RASGRF2: variants seen among roughly 807,000 people sequenced by gnomAD.
The protein encoded by RASGRF2 is ras-specific guanine nucleotide-releasing factor 2.
Under a neutral mutation model 151.0 loss-of-function variants are expected in RASGRF2, and 76 were observed. The ratio of observed to expected loss-of-function variants is 0.50; its 90% CI spans 0.42 to 0.61. The LOEUF is 0.61. Among genes scored for constraint, RASGRF2 ranks in the 20% least tolerant of loss-of-function variants. The pLI is 0.00. For synonymous variants in RASGRF2, 504 were observed against 566.5 expected (o/e 0.89, Z 1.57); for missense variants, 1,148 against 1,564.6 (o/e 0.73, Z 4.49).
intron 17 of RASGRF2, among the ~76,000 whole-genome samples, chr5:81,137,017 A>G (rs1753770731): frequency 6.6e-6 from 1 of 152,120 alleles, no homozygotes; most frequent in Non-Finnish European, 1.5e-5. Flanking sequence ...CATATTGTCT[A>G]CTTTTTCCAT....
At chr5:81,067,943 C>T in intron 2 of RASGRF2, 89 bp from the exon 3 acceptor site, 2 of 1,163,558 alleles carry the variant, frequency 1.7e-6, no homozygotes, top group Non-Finnish European at 2.3e-6. Flanking sequence ...CTCATAACTT[C>T]TTTTTCAAAT....
intron 2 of RASGRF2, among the ~76,000 whole-genome samples, chr5:81,057,729 T>G (rs1220401430): frequency 6.6e-6 from 1 of 152,150 alleles, no homozygotes; most frequent in Non-Finnish European, 1.5e-5. Context: ...GCACAGTGGC[T>G]CGTGCCTATA....
intron 1 of RASGRF2, among the ~76,000 whole-genome samples, chr5:80,988,454 TAATA>T (rs1388163258): frequency 9.8e-5 from 15 of 152,330 alleles, no homozygotes; most frequent in Admixed American, 5.9e-4. Context: ...TGAAGGTTGT[TAATA>T]AATGTTAGAG....
At position 81,201,320 on chromosome 5, in the gene RASGRF2, T is replaced by A; in HGVS notation, c.2794-10T>A. Reference sequence around the variant, plus strand: ...AGCTAAAATTTAAAAAGATTCATTTTATTTTACAGGATTTCGAACTCAACA... The same window carrying A: ...AGCTAAAATTTAAAAAGATTCATTTAATTTTACAGGATTTCGAACTCAACA... On this transcript the variant is annotated splice_polypyrimidine_tract_variant and intron_variant, in intron 18 of 26. Coordinates refer to ENST00000265080, the MANE Select transcript of RASGRF2 (RefSeq NM_006909.3). 1 of 1,604,924 alleles carries A rather than the reference T, an allele frequency of 6.2e-7. No homozygotes were observed. Among genetic ancestry groups the A allele is most frequent in the Non-Finnish European group, 8.5e-7 (1 of 1,176,688 alleles).
chr5:81,180,496 A>G (rs1463946982), intron 18 of RASGRF2, among the ~76,000 whole-genome samples: 2 of 152,140 alleles, frequency 1.3e-5, no homozygotes, highest in Non-Finnish European at 2.9e-5. Flanking sequence ...AAATGACGTG[A>G]CACAGTGAAA....
chr5:81,190,008 G>A (rs535326252), intron 18 of RASGRF2, among the ~76,000 whole-genome samples: 3 of 152,140 alleles, frequency 2.0e-5, no homozygotes, highest in African/African-American at 4.8e-5. Context: ...CACTACGCCC[G>A]ACACACTTTT....
intron 1 of RASGRF2, among the ~76,000 whole-genome samples, chr5:81,024,254 T>TTA: frequency 7.6e-6 from 1 of 131,440 alleles, no homozygotes; most frequent in East Asian, 2.0e-4. Flanking sequence ...ATATAATTTT[T>TTA]TTTTTTTTTT....
At chr5:81,220,666 C>T (rs982199954) in intron 26 of RASGRF2, among the ~76,000 whole-genome samples, 3 of 152,142 alleles carry the variant, frequency 2.0e-5, no homozygotes, top group Non-Finnish European at 2.9e-5. Context: ...GACGGGGTTT[C>T]ACCATGTTAG....
intron 1 of RASGRF2, among the ~76,000 whole-genome samples, chr5:81,025,843 G>T (rs1293853078): frequency 1.3e-5 from 2 of 152,124 alleles, no homozygotes; most frequent in Admixed American, 1.3e-4. Flanking sequence ...CCTCAGATTA[G>T]TTAGAAATGG....
intron 15 of RASGRF2, among the ~76,000 whole-genome samples, chr5:81,120,770 G>A (rs1003591129): frequency 6.6e-6 from 1 of 152,188 alleles, no homozygotes; most frequent in African/African-American, 2.4e-5. Flanking sequence ...AGTAAAGACA[G>A]GAATATAATC....
chr5:80,994,012 T>C (rs1254355617), intron 1 of RASGRF2, among the ~76,000 whole-genome samples: 2 of 152,000 alleles, frequency 1.3e-5, no homozygotes, highest in African/African-American at 4.8e-5. Context: ...GAGTCTTTCC[T>C]CAAGGTAAGG....
At chr5:81,029,749 A>G (rs558064331) in intron 1 of RASGRF2, among the ~76,000 whole-genome samples, 1 of 152,360 alleles carries the variant, frequency 6.6e-6, no homozygotes, top group South Asian at 2.1e-4. Context: ...CTTCTCCTCC[A>G]AAGGAATGCA....
chr5:81,103,378 T>A (rs1475329058), intron 12 of RASGRF2, among the ~76,000 whole-genome samples: 21 of 152,020 alleles, frequency 1.4e-4, no homozygotes, highest in Admixed American at 1.4e-3. Context: ...AGAATATAGA[T>A]TCTATATTCT....
chr5:81,156,119 G>C (rs551986886), intron 17 of RASGRF2, among the ~76,000 whole-genome samples: 84 of 145,720 alleles, frequency 5.8e-4, no homozygotes, highest in African/African-American at 2.0e-3. Context: ...AGATACAAAT[G>C]ATCAAAACTG....
intron 17 of RASGRF2, among the ~76,000 whole-genome samples, chr5:81,148,401 G>A (rs192956841): frequency 2.0e-5 from 3 of 152,248 alleles, no homozygotes. Context: ...AGAAAGCTCT[G>A]AGAACTGCCT....
intron 18 of RASGRF2, among the ~76,000 whole-genome samples, chr5:81,190,848 G>A (rs911440403): frequency 2.0e-5 from 3 of 152,152 alleles, no homozygotes; most frequent in East Asian, 1.9e-4. Flanking sequence ...ATTAGCTGCC[G>A]AAACAGAAAC....
intron 13 of RASGRF2, among the ~76,000 whole-genome samples, chr5:81,111,723 CA>C (rs1224403051): frequency 6.6e-6 from 1 of 151,448 alleles, no homozygotes; most frequent in African/African-American, 2.4e-5. Context: ...GACATTAATA[CA>C]ATATAAAAAA....
intron 2 of RASGRF2, among the ~76,000 whole-genome samples, chr5:81,065,991 C>G (rs1751588832): frequency 6.6e-6 from 1 of 152,088 alleles, no homozygotes; most frequent in Non-Finnish European, 1.5e-5. Context: ...CCAAACTGGA[C>G]CTGCCTTTCT....
At chr5:81,000,622 T>C (rs896824498) in intron 1 of RASGRF2, among the ~76,000 whole-genome samples, 6 of 152,240 alleles carry the variant, frequency 3.9e-5, no homozygotes, top group South Asian at 2.1e-4. Flanking sequence ...TGTTTTTTTT[T>C]CCTTAGTAAA....
Sources: gnomAD v4.1 joint callset for allele counts (sites outside exome capture counted in the v4.1 genomes callset) on GRCh38, gnomAD v4.1.1 for gene constraint, MANE v1.5 for transcripts, NCBI Gene and HGNC (gene_info 2026-07-23, HGNC 2026-07-21) for gene names.